Variants in SEPTIN11 observed in about 807,000 individuals in gnomAD.
SEPTIN11 encodes septin 11.
SEPTIN11 carries 25 observed loss-of-function variants against 51.4 expected under a neutral mutation model. That is an observed-to-expected ratio of 0.49 (90% CI 0.35 to 0.68). The LOEUF is 0.68. Among genes scored for constraint, SEPTIN11 ranks in the 30% least tolerant of loss-of-function variants. The probability of loss-of-function intolerance (pLI) is 0.00; values close to 1 mark genes in which losing one functional copy is unlikely to be tolerated. For missense variants in SEPTIN11, 381 were observed against 520.8 expected (o/e 0.73, Z 2.61); for synonymous variants, 174 against 184.1 (o/e 0.95, Z 0.44).
intron 1 of SEPTIN11, among the ~76,000 whole-genome samples, chr4:76,960,537 A>G (rs1242857606): frequency 6.6e-6 from 1 of 152,198 alleles, no homozygotes; most frequent in Non-Finnish European, 1.5e-5. Context: ...AGCTATGTGA[A>G]GAGGACCAAG....
At chr4:77,012,096 T>TAAAAC (rs35969393) in intron 4 of SEPTIN11, among the ~76,000 whole-genome samples, 175 bp downstream of exon 4, 5 of 92,652 alleles carry the variant, frequency 5.4e-5, no homozygotes, top group Non-Finnish European at 1.3e-4. Flanking sequence ...AAAAATAAAA[T>TAAAAC]AAAACAAAAC....
intron 1 of SEPTIN11, among the ~76,000 whole-genome samples, chr4:76,987,387 C>G (rs1723086356): frequency 6.6e-6 from 1 of 152,110 alleles, no homozygotes; most frequent in Non-Finnish European, 1.5e-5. Context: ...AAATGTTGTT[C>G]AAATCATCTT....
intron 1 of SEPTIN11, among the ~76,000 whole-genome samples, chr4:76,969,600 T>G (rs1722161603): frequency 6.6e-6 from 1 of 152,204 alleles, no homozygotes; most frequent in African/African-American, 2.4e-5. Context: ...CGAATTTTTC[T>G]TAAGAAATTA....
intron 1 of SEPTIN11, among the ~76,000 whole-genome samples, chr4:76,973,874 G>A (rs1722365515): frequency 6.6e-6 from 1 of 152,168 alleles, no homozygotes; most frequent in African/African-American, 2.4e-5. Flanking sequence ...GCTAGTTTTA[G>A]AGATGTAAAG....
At chr4:76,950,811 A>C (rs986051081) in intron 1 of SEPTIN11, among the ~76,000 whole-genome samples, 1 of 151,574 alleles carries the variant, frequency 6.6e-6, no homozygotes, top group Non-Finnish European at 1.5e-5. Context: ...CCGCATCCCC[A>C]AGTGAAAGGC....
chr4:76,960,230 T>C (rs1325541945), intron 1 of SEPTIN11, among the ~76,000 whole-genome samples: 4 of 152,214 alleles, frequency 2.6e-5, no homozygotes, highest in African/African-American at 7.2e-5. Context: ...CTAAGACTAG[T>C]ACTTTGGCCT....
chr4:76,958,810 TAA>T (rs1268029143), intron 1 of SEPTIN11: 2 of 1,186,214 alleles, frequency 1.7e-6, no homozygotes, highest in Non-Finnish European at 2.4e-6. Context: ...TAAAAAAAAA[TAA>T]GTTTTAAATA....
At chr4:77,010,282 A>G (rs1000598058) in intron 3 of SEPTIN11, among the ~76,000 whole-genome samples, 2 of 152,124 alleles carry the variant, frequency 1.3e-5, no homozygotes, top group African/African-American at 4.8e-5. Flanking sequence ...GCTTGAATCC[A>G]TGTTTCTAAC....
downstream of SEPTIN11, chr4:77,039,510 G>T (rs1210342556): frequency 1.2e-5 from 12 of 985,192 alleles, no homozygotes; most frequent in Non-Finnish European, 1.4e-5. Flanking sequence ...TGATCTCATG[G>T]TAACTCCTGT....
chr4:77,008,035 G>A (rs1416222503), intron 3 of SEPTIN11, among the ~76,000 whole-genome samples: 1 of 152,170 alleles, frequency 6.6e-6, no homozygotes, highest in Admixed American at 6.5e-5. Flanking sequence ...TGTAGGCTTT[G>A]GACATGTCAA....
intron 1 of SEPTIN11, among the ~76,000 whole-genome samples, chr4:76,992,403 A>G (rs1199868382): frequency 6.6e-6 from 1 of 152,202 alleles, no homozygotes; most frequent in Non-Finnish European, 1.5e-5. Context: ...CATGAGATAA[A>G]TTTCAGTTTC....
intron 3 of SEPTIN11, among the ~76,000 whole-genome samples, chr4:77,009,147 G>A (rs1724687863): frequency 6.6e-6 from 1 of 152,234 alleles, no homozygotes; most frequent in Admixed American, 6.5e-5. Context: ...GTTAATAATG[G>A]TATGGAAGGT....
chr4:76,961,535 C>T (rs191322316), intron 1 of SEPTIN11, among the ~76,000 whole-genome samples: 6 of 152,262 alleles, frequency 3.9e-5, no homozygotes, highest in East Asian at 1.9e-4. Flanking sequence ...AAGTTTAAAA[C>T]GCATTTAATA....
downstream of SEPTIN11, among the ~76,000 whole-genome samples, chr4:77,038,880 G>C (rs1314299627): frequency 6.6e-6 from 1 of 152,044 alleles, no homozygotes; most frequent in African/African-American, 2.4e-5. Context: ...TTGGTGCCCA[G>C]CTGAGGCATC....
At chr4:76,979,968 A>G (rs1033356210) in intron 1 of SEPTIN11, among the ~76,000 whole-genome samples, 2 of 152,108 alleles carry the variant, frequency 1.3e-5, no homozygotes, top group Non-Finnish European at 2.9e-5. Context: ...AAGCATGGTG[A>G]CCTTTGAATG....
At chr4:77,032,184 C>T (rs902270237) in intron 9 of SEPTIN11, 1 of 149,922 alleles carries the variant, frequency 6.7e-6, no homozygotes, top group African/African-American at 2.5e-5. Context: ...TTAAATCATG[C>T]TTTACAAACT....
intron 7 of SEPTIN11, among the ~76,000 whole-genome samples, chr4:77,028,333 C>A (rs764374727): frequency 2.6e-5 from 4 of 152,156 alleles, no homozygotes; most frequent in Non-Finnish European, 4.4e-5. Context: ...TATACCACCT[C>A]CACCTCCTCA....
intron 1 of SEPTIN11, among the ~76,000 whole-genome samples, chr4:76,988,240 C>T (rs969672944): frequency 2.0e-5 from 3 of 152,200 alleles, no homozygotes; most frequent in Admixed American, 6.6e-5. Flanking sequence ...TATAAGGCTA[C>T]ACAGCATCCT....
intron 1 of SEPTIN11, among the ~76,000 whole-genome samples, chr4:76,957,845 A>G (rs949487984): frequency 3.3e-5 from 5 of 152,072 alleles, no homozygotes; most frequent in African/African-American, 1.2e-4. Context: ...GGCAACACTT[A>G]TGTGTCATCC....
Sources: allele counts gnomAD v4.1 joint callset (sites outside exome capture counted in the v4.1 genomes callset), GRCh38; gene constraint gnomAD v4.1.1; transcripts MANE v1.5; gene names NCBI Gene and HGNC (gene_info 2026-07-23, HGNC 2026-07-21).